Variants in PIWIL1 observed in about 807,000 individuals in gnomAD.
The protein encoded by PIWIL1 is piwi-like protein 1.
PIWIL1 carries 73 observed loss-of-function variants against 114.4 expected under a neutral mutation model. The observed-to-expected ratio is 0.64, with a 90% confidence interval of 0.53 to 0.78. The LOEUF (loss-of-function observed/expected upper bound fraction) is 0.78, where lower values mean the gene tolerates loss of function less well. Among genes scored for constraint, PIWIL1 ranks in the 30% least tolerant of loss-of-function variants. PIWIL1 has a pLI of 0.00. For synonymous variants in PIWIL1, 375 were observed against 369.0 expected, an observed-to-expected ratio of 1.02 and a Z score of -0.19; for missense variants, 723 against 1,063.1, an observed-to-expected ratio of 0.68 and a Z score of 4.45.
chr12:130,370,178 C>T (rs1019643308), intron 19 of PIWIL1, among the ~76,000 whole-genome samples: 2 of 151,784 alleles, frequency 1.3e-5, no homozygotes, highest in Admixed American at 6.6e-5. Flanking sequence ...GGGTTAATTT[C>T]CTTAAATCTT....
At chr12:130,365,356 G>A (rs529390112) in intron 18 of PIWIL1, among the ~76,000 whole-genome samples, 5 of 152,292 alleles carry the variant, frequency 3.3e-5, no homozygotes, top group East Asian at 3.9e-4. Flanking sequence ...ATTGCAAGGC[G>A]TAAATGAAAA....
the PIWIL1 span, among the ~76,000 whole-genome samples, chr12:130,408,767 A>G: frequency 2.0e-5 from 3 of 152,212 alleles, no homozygotes; most frequent in Non-Finnish European, 4.4e-5. Flanking sequence ...TTTTGCTTAC[A>G]TTTGATTTGG....
chr12:130,404,188 T>A, the PIWIL1 span, among the ~76,000 whole-genome samples: 1 of 152,180 alleles, frequency 6.6e-6, no homozygotes, highest in African/African-American at 2.4e-5. Flanking sequence ...AGAAAAATGA[T>A]TTGTGGGGGA....
the PIWIL1 span, chr12:130,424,510 G>A: frequency 8.1e-7 from 1 of 1,232,038 alleles, no homozygotes; most frequent in Non-Finnish European, 1.0e-6. The surrounding 1 kb of genome is among the most constrained non-coding windows in gnomAD (Gnocchi z 9.8). Context: ...CCACAGTCCA[G>A]GCCGCTGTCC....
chr12:130,350,544 A>G (rs2073185556), intron 9 of PIWIL1, among the ~76,000 whole-genome samples: 1 of 152,232 alleles, frequency 6.6e-6, no homozygotes, highest in African/African-American at 2.4e-5. Context: ...AAATAGCAGG[A>G]AAGAGCAGCT....
the PIWIL1 span, chr12:130,422,529 C>T: frequency 1.2e-6 from 2 of 1,612,016 alleles, no homozygotes; most frequent in African/African-American, 2.7e-5. The surrounding 1 kb of genome is among the most constrained non-coding windows in gnomAD (Gnocchi z 5.2). Context: ...CCATGTGATC[C>T]ACCCGTCCTG....
At chr12:130,347,831 G>A (rs760870579) in intron 6 of PIWIL1, among the ~76,000 whole-genome samples, 6 of 152,178 alleles carry the variant, frequency 3.9e-5, no homozygotes, top group South Asian at 2.1e-4. Context: ...GTGAGTGAGC[G>A]GTCATGGCTG....
the PIWIL1 span, among the ~76,000 whole-genome samples, chr12:130,389,032 G>A: frequency 0.013 from 1,940 of 152,024 alleles, 22 homozygotes; most frequent in Middle Eastern, 0.051. Context: ...TTTCTGTTGA[G>A]TTTTTTTAGT....
the PIWIL1 span, among the ~76,000 whole-genome samples, chr12:130,388,009 G>A: frequency 3.9e-5 from 6 of 152,168 alleles, no homozygotes; most frequent in East Asian, 1.9e-4. Context: ...AGAGTAGAGC[G>A]AGTTGATTTT....
At chr12:130,355,742 G>A (rs2073347337) in intron 12 of PIWIL1, 75 bp downstream of exon 12, 2 of 1,027,730 alleles carry the variant, frequency 1.9e-6, no homozygotes, top group East Asian at 2.4e-5. Context: ...CAGGAGTACA[G>A]TGGTGCAATC....
chr12:130,345,851 C>T lies in PIWIL1; in HGVS notation c.289C>T (p.Leu97=), dbSNP rs762300056. 6.2e-7 allele frequency: 1 copy of T among 1,613,814 alleles called. No individual in the cohort carries two copies. The highest frequency in any genetic ancestry group is 8.5e-7 in the Non-Finnish European group (1 of 1,179,888). ...HDLGVNTRQN[L]DHVKESKTGS... Reference sequence around the variant, plus strand: ...TCTTGGTGTGAATACAAGGCAGAACCTAGACCATGTTAAAGAATCAAAAAC... The same window carrying T: ...TCTTGGTGTGAATACAAGGCAGAACTTAGACCATGTTAAAGAATCAAAAAC... Residue 97 remains leucine, a synonymous_variant, in exon 4 of 21, where the codon CTA becomes TTA. Transcript: ENST00000245255.
At chr12:130,373,260 A>G (rs2073841909), downstream of PIWIL1, among the ~76,000 whole-genome samples, 1 of 152,208 alleles carries the variant, frequency 6.6e-6, no homozygotes, top group African/African-American at 2.4e-5. Context: ...AATATAAGGA[A>G]GTCTAATCAT....
intron 17 of PIWIL1, 49 bp from the exon 18 acceptor site, chr12:130,362,942 G>A (rs1174702453): frequency 6.2e-7 from 1 of 1,612,214 alleles, no homozygotes; most frequent in South Asian, 1.1e-5. Context: ...GAACAGACGA[G>A]TTGTGTCGTA....
At chr12:130,342,456 G>A (rs1457615827) in intron 1 of PIWIL1, 124 bp from the exon 2 acceptor site, 5 of 643,082 alleles carry the variant, frequency 7.8e-6, no homozygotes, top group Non-Finnish European at 8.4e-6. Flanking sequence ...AGATTAGAAG[G>A]ATACATAATA....
intron 18 of PIWIL1, 25 bp from the exon 19 acceptor site, chr12:130,367,108 A>G: frequency 1.2e-6 from 2 of 1,612,606 alleles, no homozygotes; most frequent in Non-Finnish European, 1.7e-6. Flanking sequence ...GGCTAAATGC[A>G]GTTACATTCA....
chr12:130,377,033 C>T (rs909859830), downstream of PIWIL1, among the ~76,000 whole-genome samples: 2 of 152,188 alleles, frequency 1.3e-5, no homozygotes, highest in Non-Finnish European at 2.9e-5. Context: ...CCCTCTGTGA[C>T]CACCCCCTGT....
At chr12:130,420,173 C>T in the PIWIL1 span, among the ~76,000 whole-genome samples, 2 of 152,152 alleles carry the variant, frequency 1.3e-5, no homozygotes, top group Non-Finnish European at 2.9e-5. The surrounding 1 kb of genome is among the most constrained non-coding windows in gnomAD (Gnocchi z 4.3). Flanking sequence ...AGCTCTTTGC[C>T]GAGTCCTCCT....
chr12:130,341,001 A>G (rs2072904753), intron 1 of PIWIL1, among the ~76,000 whole-genome samples: 1 of 152,202 alleles, frequency 6.6e-6, no homozygotes, highest in Non-Finnish European at 1.5e-5. Flanking sequence ...AAATGGCATT[A>G]GATTTATCTT....
chr12:130,416,971 T>G, the PIWIL1 span, among the ~76,000 whole-genome samples: 1 of 151,664 alleles, frequency 6.6e-6, no homozygotes, highest in African/African-American at 2.4e-5. Flanking sequence ...ATTTAAAAAA[T>G]GTATAAAAAT....
Sources: allele counts gnomAD v4.1 joint callset (sites outside exome capture counted in the v4.1 genomes callset), GRCh38; gene constraint gnomAD v4.1.1; non-coding constraint Gnocchi (gnomAD v3.1); transcripts MANE v1.5; gene names NCBI Gene and HGNC (gene_info 2026-07-23, HGNC 2026-07-21).